The following CCNY variants were observed in gnomAD, a reference collection of about 807,000 sequenced individuals.
CCNY encodes cyclin-Y.
A neutral mutation model predicts 42.8 loss-of-function variants in CCNY; 19 were observed. The ratio of observed to expected loss-of-function variants is 0.44; its 90% CI spans 0.31 to 0.65. CCNY has a LOEUF of 0.65. CCNY is among the 30% of genes least tolerant of loss of function. The probability of loss-of-function intolerance (pLI) is 0.07; values close to 1 mark genes in which losing one functional copy is unlikely to be tolerated. For missense variants in CCNY, 370 were observed against 437.3 expected (o/e 0.85, Z 1.37); for synonymous variants, 165 against 162.7 (o/e 1.01, Z -0.11).
At position 35,469,838 on chromosome 10, in the gene CCNY, CGATGGAGAGACAGACAGGAA is replaced by C. The variant is rs532395828; in HGVS notation, c.155-13552_155-13533del. On this transcript the variant is annotated intron_variant, in intron 1 of 9. Transcript: ENST00000374704. ...GAGATAGGGAGATGGAGAGACAGGGCGATGGAGAGACAGACAGGAAGATGGAGAGACAGGGAGATAGATAG... is the reference window on the plus strand; with the variant it reads ...GAGATAGGGAGATGGAGAGACAGGGCGATGGAGAGACAGGGAGATAGATAG... Among the ~76,000 whole-genome samples the C allele has an allele frequency of 2.2e-4, 26 of 115,616 alleles. No individual in the cohort carries two copies. The South Asian group carries it at 7.3e-3, about 32-fold the overall frequency. The allele number at this position is 115,616 out of a possible 152,430, so 75.8% of individuals were successfully genotyped here.
At chr10:35,470,474 C>G (rs149498523) in intron 1 of CCNY, among the ~76,000 whole-genome samples, 1 of 152,186 alleles carries the variant, frequency 6.6e-6, no homozygotes, top group Non-Finnish European at 1.5e-5. Flanking sequence ...CACATGTAGA[C>G]GTGTGGACAC....
intron 1 of CCNY, among the ~76,000 whole-genome samples, chr10:35,387,449 C>G (rs960713081): frequency 4.6e-5 from 7 of 152,122 alleles, no homozygotes; most frequent in African/African-American, 1.7e-4. Context: ...ACTGCCTGCT[C>G]CATGTTGTAT....
rs1177122335 is a variant in CCNY, at chr10:35,519,776, C to CTTTTTTTTTTTTTTTTTTTTT, written c.365+3158_365+3178dup. Among the ~76,000 whole-genome samples the CTTTTTTTTTTTTTTTTTTTTT allele has an allele frequency of 5.9e-4, 44 of 74,656 alleles. 1 individual carries two copies. Among genetic ancestry groups the CTTTTTTTTTTTTTTTTTTTTT allele is most frequent in the East Asian group, 1.7e-3 (4 of 2,298 alleles). The allele number at this position is 74,656 out of a possible 152,430, so 49.0% of individuals were successfully genotyped here. ...AAGTATCTTCTTTTTCTTTTCTTTTCTTTTTTTTTTTTTTTTTTTTTTTTT... is the reference window on the plus strand; with the variant it reads ...AAGTATCTTCTTTTTCTTTTCTTTTCTTTTTTTTTTTTTTTTTTTTTTTTTTTTTTTTTTTTTTTTTTTTTT... On this transcript the variant is annotated intron_variant, in intron 4 of 9. Coordinates refer to ENST00000374704, the MANE Select transcript of CCNY (RefSeq NM_145012.6).
At chr10:35,270,601 A>G (rs1835150883) in intron 3 of CCNY, among the ~76,000 whole-genome samples, 1 of 151,916 alleles carries the variant, frequency 6.6e-6, no homozygotes, top group Non-Finnish European at 1.5e-5. Context: ...GAGTGCTCCA[A>G]TTTGCCCAGA....
intron 2 of CCNY, 40 bp from the exon 3 acceptor site, chr10:35,501,461 C>A: frequency 1.3e-6 from 2 of 1,597,632 alleles, no homozygotes; most frequent in Non-Finnish European, 1.7e-6. Flanking sequence ...GGTTGGCATG[C>A]AGGCATATAA....
chr10:35,464,179 CCCT>C (rs1429526922), intron 1 of CCNY, among the ~76,000 whole-genome samples: 7 of 152,188 alleles, frequency 4.6e-5, no homozygotes, highest in Non-Finnish European at 7.3e-5. Context: ...TCTTCCAGCT[CCCT>C]CCTCTGTGCC....
At chr10:35,516,068 A>G (rs542814472) in intron 3 of CCNY, among the ~76,000 whole-genome samples, 1 of 152,232 alleles carries the variant, frequency 6.6e-6, no homozygotes, top group Non-Finnish European at 1.5e-5. Context: ...CATTGGCTGC[A>G]TTTTCCATGG....
chr10:35,479,270 G>A (rs71489504), intron 1 of CCNY, among the ~76,000 whole-genome samples: 3,708 of 151,936 alleles, frequency 0.024, 63 homozygotes, highest in Middle Eastern at 0.041. Flanking sequence ...ATACCCAAAG[G>A]ATTATAAATC....
intron 1 of CCNY, among the ~76,000 whole-genome samples, chr10:35,350,906 A>G (rs577945514): frequency 3.3e-5 from 5 of 152,304 alleles, no homozygotes; most frequent in East Asian, 3.9e-4. Flanking sequence ...CCTGACAAAC[A>G]TTGTCTCTAA....
At chr10:35,544,866 T>C (rs909525556) in intron 7 of CCNY, among the ~76,000 whole-genome samples, 1 of 152,222 alleles carries the variant, frequency 6.6e-6, no homozygotes, top group Non-Finnish European at 1.5e-5. Context: ...GTTCACTCTT[T>C]GCTGCACACT....
chr10:35,400,262 A>T (rs979345111), intron 1 of CCNY, among the ~76,000 whole-genome samples: 1 of 125,244 alleles, frequency 8.0e-6, no homozygotes, highest in Non-Finnish European at 1.6e-5. Context: ...TCTCCCTAGC[A>T]CAGTGCAGGG....
At chr10:35,327,684 T>C (rs980269304) in intron 3 of CCNY, 2 of 152,230 alleles carry the variant, frequency 1.3e-5, no homozygotes, top group Non-Finnish European at 2.9e-5. Flanking sequence ...TTGAGCACTG[T>C]ATACACAGAA....
intron 1 of CCNY, among the ~76,000 whole-genome samples, chr10:35,464,408 G>A (rs1376639250): frequency 6.6e-6 from 1 of 152,062 alleles, no homozygotes; most frequent in East Asian, 1.9e-4. Flanking sequence ...TCACCAGCGT[G>A]CGGTCATAAT....
chr10:35,459,502 A>G (rs753605910), intron 1 of CCNY, among the ~76,000 whole-genome samples: 2 of 152,196 alleles, frequency 1.3e-5, no homozygotes, highest in Non-Finnish European at 1.5e-5. Flanking sequence ...AAACCAAAAG[A>G]TTGGACATCC....
chr10:35,446,658 T>G (rs1838795738), intron 1 of CCNY, among the ~76,000 whole-genome samples: 1 of 152,174 alleles, frequency 6.6e-6, no homozygotes, highest in Non-Finnish European at 1.5e-5. Context: ...TTGTGGTTAG[T>G]GATGATCTTC....
intron 1 of CCNY, among the ~76,000 whole-genome samples, chr10:35,412,052 A>G (rs1354000643): frequency 6.6e-6 from 1 of 152,202 alleles, no homozygotes; most frequent in Non-Finnish European, 1.5e-5. Flanking sequence ...GGTCTGAGAC[A>G]TGCTGTTCTC....
intron 3 of CCNY, among the ~76,000 whole-genome samples, chr10:35,271,675 A>C (rs1049854736): frequency 1.3e-5 from 2 of 152,194 alleles, no homozygotes; most frequent in African/African-American, 4.8e-5. Flanking sequence ...CTGTCTTTGC[A>C]GCTCATTCCC....
intron 1 of CCNY, among the ~76,000 whole-genome samples, chr10:35,426,304 C>G (rs937574416): frequency 2.6e-5 from 4 of 152,274 alleles, no homozygotes; most frequent in Admixed American, 2.0e-4. Flanking sequence ...CTCAAACCTT[C>G]TCTGCAAACA....
chr10:35,358,687 T>C (rs892115576), intron 1 of CCNY, among the ~76,000 whole-genome samples: 3 of 152,134 alleles, frequency 2.0e-5, no homozygotes, highest in South Asian at 2.1e-4. Context: ...TAATTACTTA[T>C]AGAGACAGAG....
Sources: allele counts gnomAD v4.1 joint callset (sites outside exome capture counted in the v4.1 genomes callset), GRCh38; gene constraint gnomAD v4.1.1; transcripts MANE v1.5; gene names NCBI Gene and HGNC (gene_info 2026-07-23, HGNC 2026-07-21).